Variants in PLAGL1 observed in about 807,000 individuals in gnomAD.
The protein encoded by PLAGL1 is zinc finger protein PLAGL1.
In PLAGL1, 1 loss-of-function variant was observed where a neutral mutation model predicts 4.6. That is an observed-to-expected ratio of 0.22 (90% CI 0.08 to 1.03). The LOEUF is 1.03. Among genes scored for constraint, PLAGL1 ranks in the 50% least tolerant of loss-of-function variants. PLAGL1 has a pLI of 0.58. For synonymous variants in PLAGL1, 240 were observed against 237.8 expected (o/e 1.01, Z -0.08); for missense variants, 464 against 570.4 (o/e 0.81, Z 1.90).
rs1788235070 is a variant in PLAGL1, at chr6:143,982,748, A to C, written c.-544+2387T>G. Among the ~76,000 whole-genome samples the C allele has an allele frequency of 2.0e-5, 3 of 152,076 alleles. No homozygotes were observed. The highest frequency in any genetic ancestry group is 7.2e-5 in the African/African-American group (3 of 41,414). On this transcript the variant is annotated intron_variant, in intron 2 of 7. Coordinates refer to ENST00000674357, the MANE Select transcript of PLAGL1 (RefSeq NM_001317162.2). The surrounding 1 kb of genome is among the most constrained non-coding windows in gnomAD (Gnocchi z 5.3). Reference sequence around the variant, plus strand: ...AGAGGGTGAGAGAGACGAAATGAGGATGCTGCAAAGGCACCTGGCCTGTGC... The same window carrying C: ...AGAGGGTGAGAGAGACGAAATGAGGCTGCTGCAAAGGCACCTGGCCTGTGC...
chr6:143,967,885 T>C (rs9321953), intron 3 of PLAGL1: 47,032 of 151,398 alleles, frequency 0.31, 8,950 homozygotes, highest in Non-Finnish European at 0.44. Context: ...AAGTGGTTTA[T>C]CTAGTGGGAG....
rs759582013 is a variant in PLAGL1 at position 143,941,889 on chromosome 6, T to C, written c.927A>G (p.Ser309=). Residue 309 remains serine, a synonymous_variant, in exon 8 of 8, where the codon TCA becomes TCG. Coordinates refer to ENST00000674357, the MANE Select transcript of PLAGL1 (RefSeq NM_001317162.2). The surrounding 1 kb of genome is among the most constrained non-coding windows in gnomAD (Gnocchi z 6.0). ...GGGGCAGGCTTGCAAGTGGGGAGTA[T>C]GAGGTAGAAGTGGTGTTGTACTTGT... ...PNHKYNTTST[S]YSPLASLPLK... 1.2e-6 allele frequency: 2 copies of C among 1,613,654 alleles called. No homozygotes were observed. The highest frequency in any genetic ancestry group is 1.7e-5 in the Admixed American group (1 of 59,988).
rs184092934 is a variant in PLAGL1, at chr6:144,061,757, T to C, written c.-151+2711A>G. Among the ~76,000 whole-genome samples, 46 of 152,292 alleles carry C rather than the reference T, an allele frequency of 3.0e-4. No homozygotes were observed. The South Asian group carries it at 6.8e-3, about 23-fold the overall frequency. On this transcript the variant is annotated intron_variant, in intron 1 of 3. Transcript: ENST00000437412. This position sits in a 1 kb window ranked among gnomAD's most constrained non-coding sequence, Gnocchi z 4.4. ...CTTTTCTACTCCCCACCTCCCACCA[T>C]CAATTTTATCAAGTTCCTTCCTCCT...
rs1054390253 is a variant in PLAGL1 at position 143,984,727 on chromosome 6, T to C, written c.-544+408A>G. On this transcript the variant is annotated intron_variant, in intron 2 of 7. Transcript: ENST00000674357. This position sits in a 1 kb window ranked among gnomAD's most constrained non-coding sequence, Gnocchi z 5.5. ...CTCAAAGATGTATTTAAAATTGGTT[T>C]AGTATATTTCAATTCTCCTCCGTAA... is the stretch of plus-strand genomic sequence containing the variant. Among the ~76,000 whole-genome samples the C allele has an allele frequency of 6.6e-6, 1 of 152,182 alleles. No individual in the cohort carries two copies. The highest frequency in any genetic ancestry group is 2.4e-5 in the African/African-American group (1 of 41,450).
At chr6:143,943,919 G>A (rs896368351) in intron 7 of PLAGL1, among the ~76,000 whole-genome samples, 2 of 152,136 alleles carry the variant, frequency 1.3e-5, no homozygotes, top group African/African-American at 4.8e-5. Context: ...AAACTCAGTG[G>A]TATAAGGAAA....
intron 1 of PLAGL1, among the ~76,000 whole-genome samples, chr6:143,987,419 C>T (rs1339382505): frequency 7.0e-6 from 1 of 142,692 alleles, no homozygotes; most frequent in Non-Finnish European, 1.5e-5. Context: ...CAAGATCTGG[C>T]ATGTGCCACC....
At chr6:144,025,516 G>A (rs929285649) in intron 1 of PLAGL1, among the ~76,000 whole-genome samples, 4 of 152,158 alleles carry the variant, frequency 2.6e-5, no homozygotes, top group African/African-American at 9.7e-5. Flanking sequence ...TGGGTGCTAG[G>A]TATCTAGAAA....
At position 143,972,649 on chromosome 6, in the gene PLAGL1, C is replaced by T. The variant is rs1785652615; in HGVS notation, c.-543-3671G>A. The stretch of plus-strand genomic sequence containing the variant: ...ACACACAATCCAGAATGGCATGAAT[C>T]ACTGGCTTGAGTGGAACGTAGCTTC... On this transcript the variant is annotated intron_variant, in intron 2 of 7. Transcript: ENST00000674357. This position sits in a 1 kb window ranked among gnomAD's most constrained non-coding sequence, Gnocchi z 6.8. 6.6e-6 allele frequency among the ~76,000 whole-genome samples: 1 copy of T among 152,110 alleles called. No individual in the cohort carries two copies. Among genetic ancestry groups the T allele is most frequent in the Non-Finnish European group, 1.5e-5 (1 of 68,018 alleles).
In PLAGL1 at chr6:143,984,887, T is replaced by C. The variant is rs1402670004; in HGVS notation, c.-544+248A>G. On this transcript the variant is annotated intron_variant, in intron 2 of 7. Transcript: ENST00000674357. The surrounding 1 kb of genome is among the most constrained non-coding windows in gnomAD (Gnocchi z 5.5). ...TTGCTCCCACTAACCATAACTCTGA[T>C]AAGAAGTCACTATAAGGAAACAAAT... Among the ~76,000 whole-genome samples the C allele has an allele frequency of 6.6e-6, 1 of 152,152 alleles. No individual in the cohort carries two copies. The highest frequency in any genetic ancestry group is 1.5e-5 in the Non-Finnish European group (1 of 68,020).
chr6:143,946,325 G>A (rs141680754), intron 7 of PLAGL1, among the ~76,000 whole-genome samples: 120 of 152,276 alleles, frequency 7.9e-4, no homozygotes, highest in African/African-American at 2.6e-3. Flanking sequence ...ATGTGTCTCA[G>A]TCTTTATCTG....
At position 144,061,159 on chromosome 6, in the gene PLAGL1, C is replaced by A. The variant is rs1799366404; in HGVS notation, c.-151+3309G>T. 6.6e-6 allele frequency among the ~76,000 whole-genome samples: 1 copy of A among 152,226 alleles called. No individual in the cohort carries two copies. The highest frequency in any genetic ancestry group is 1.5e-5 in the Non-Finnish European group (1 of 68,038). On this transcript the variant is annotated intron_variant, in intron 1 of 3. Coordinates refer to the PLAGL1 transcript ENST00000437412. The surrounding 1 kb of genome is among the most constrained non-coding windows in gnomAD (Gnocchi z 4.4). ...GACATGCATGATTACAGCCTTTGTT[C>A]CTTTTCACTCCAGGGAGAGTCACAA...
chr6:143,978,418 T>G lies in PLAGL1; in HGVS notation c.-544+6717A>C, dbSNP rs1235980701. Among the ~76,000 whole-genome samples, 1 of 152,206 alleles carries G rather than the reference T, an allele frequency of 6.6e-6. No individual in the cohort carries two copies. Among genetic ancestry groups the G allele is most frequent in the Non-Finnish European group, 1.5e-5 (1 of 68,024 alleles). On this transcript the variant is annotated intron_variant, in intron 2 of 7. Transcript: ENST00000674357. This position sits in a 1 kb window ranked among gnomAD's most constrained non-coding sequence, Gnocchi z 4.6. ...TAAACATTTTTCTTGAGATTTTTCTTTGATCCATGGGTTATTTAGAAGCAT... is the reference window on the plus strand; with the variant it reads ...TAAACATTTTTCTTGAGATTTTTCTGTGATCCATGGGTTATTTAGAAGCAT...
Position 143,957,255 on chromosome 6 carries a change from G to T in PLAGL1, c.-325+3214C>A, listed in dbSNP as rs2128547181. Among the ~76,000 whole-genome samples the T allele has an allele frequency of 6.6e-6, 1 of 152,350 alleles. No individual in the cohort carries two copies. Among genetic ancestry groups the T allele is most frequent in the East Asian group, 1.9e-4 (1 of 5,188 alleles). On this transcript the variant is annotated intron_variant, in intron 6 of 7. Transcript: ENST00000674357. This position sits in a 1 kb window ranked among gnomAD's most constrained non-coding sequence, Gnocchi z 4.2. ...TCTCAAGCTGAGATGGGACTGCCTT[G>T]TTTGAAGAGGACTATTTATGAATGA...
At chr6:143,986,848 A>G (rs2128620828) in intron 1 of PLAGL1, among the ~76,000 whole-genome samples, 1 of 152,278 alleles carries the variant, frequency 6.6e-6, no homozygotes, top group Middle Eastern at 3.4e-3. Flanking sequence ...CTTTCTTTAC[A>G]GTGCTAATTT....
intron 1 of PLAGL1, among the ~76,000 whole-genome samples, chr6:144,019,110 A>G (rs1795779384): frequency 6.6e-6 from 1 of 152,228 alleles, no homozygotes; most frequent in Non-Finnish European, 1.5e-5. Flanking sequence ...CTGAGATTCC[A>G]GATTAAATGA....
Position 143,994,283 on chromosome 6 carries a change from G to A in PLAGL1, c.-583-9109C>T, listed in dbSNP as rs1791175268. Among the ~76,000 whole-genome samples, 1 of 152,186 alleles carries A rather than the reference G, an allele frequency of 6.6e-6. No individual in the cohort carries two copies. The highest frequency in any genetic ancestry group is 2.4e-5 in the African/African-American group (1 of 41,440). ...AATCTCAGAAAGGTGTCAGAAAAAC[G>A]AGGAATTTTCCTATATATTGTAAAT... On this transcript the variant is annotated intron_variant, in intron 1 of 7. Coordinates refer to ENST00000674357, the MANE Select transcript of PLAGL1 (RefSeq NM_001317162.2). This position sits in a 1 kb window ranked among gnomAD's most constrained non-coding sequence, Gnocchi z 4.3.
In PLAGL1 at chr6:143,945,697, G is replaced by C. The variant is rs954644431; in HGVS notation, c.152+2288C>G. Among the ~76,000 whole-genome samples the C allele has an allele frequency of 6.6e-6, 1 of 152,110 alleles. No homozygotes were observed. Among genetic ancestry groups the C allele is most frequent in the African/African-American group, 2.4e-5 (1 of 41,400 alleles). ...TCACCATGGTGGCCAGGATTATCTC[G>C]ATCTGTTGACCTCATGATCCACCCA... On this transcript the variant is annotated intron_variant, in intron 7 of 7. Transcript: ENST00000674357. The surrounding 1 kb of genome is among the most constrained non-coding windows in gnomAD (Gnocchi z 4.2).
chr6:144,006,265 C>T lies in PLAGL1; in HGVS notation c.-584+1825G>A, dbSNP rs575247825. The stretch of plus-strand genomic sequence containing the variant: ...AATAACAGACGGAGAGCCCTAGACT[C>T]AGGCTTCTTCAGTTTGCAACACCCA... On this transcript the variant is annotated intron_variant, in intron 1 of 7. Transcript: ENST00000674357. The surrounding 1 kb of genome is among the most constrained non-coding windows in gnomAD (Gnocchi z 4.3). The T allele has an allele frequency of 6.6e-6, 1 of 152,170 alleles. No individual in the cohort carries two copies. Among genetic ancestry groups the T allele is most frequent in the East Asian group, 1.9e-4 (1 of 5,176 alleles). The allele number at this position is 152,170 out of a possible 1,614,324, so 9.4% of individuals were successfully genotyped here.
At chr6:143,943,095 C>T (rs1276581734) in intron 7 of PLAGL1, among the ~76,000 whole-genome samples, 5 of 137,694 alleles carry the variant, frequency 3.6e-5, no homozygotes, top group African/African-American at 5.4e-5. Flanking sequence ...AACTCCTGGG[C>T]TCAAGTGATC....
Sources: gnomAD v4.1 joint callset for allele counts (sites outside exome capture counted in the v4.1 genomes callset) on GRCh38, gnomAD v4.1.1 for gene constraint, Gnocchi (gnomAD v3.1) non-coding constraint, MANE v1.5 for transcripts, NCBI Gene and HGNC (gene_info 2026-07-23, HGNC 2026-07-21) for gene names.